Variants in SPHKAP observed in about 807,000 individuals in gnomAD.
SPHKAP encodes SPHK1 interactor, AKAP domain containing, also known as A-kinase anchor protein SPHKAP.
In SPHKAP, 67 loss-of-function variants were observed where a neutral mutation model predicts 137.5. The ratio of observed to expected loss-of-function variants is 0.49; its 90% confidence interval spans 0.40 to 0.60. The LOEUF is 0.60. Among genes scored for constraint, SPHKAP ranks in the 20% least tolerant of loss-of-function variants. SPHKAP has a pLI of 0.00. For synonymous variants in SPHKAP, 813 were observed against 785.3 expected (o/e 1.04, Z -0.59); for missense variants, 2,097 against 2,069.3 (o/e 1.01, Z -0.26).
chr2:228,016,869 C>CT lies in SPHKAP; in HGVS notation c.3984dup (p.Glu1329ArgfsTer4). On this transcript the variant is annotated frameshift_variant, in exon 7 of 12. Transcript: ENST00000392056. LOFTEE classifies it high-confidence loss of function. ...GAAACAGGCTCAGTGTCAGCTTCCT[C>CT]TGCATCATCCACAATGATTTTGTTC... 6.2e-7 allele frequency: 1 copy of CT among 1,614,096 alleles called. No individual in the cohort carries two copies. The highest frequency in any genetic ancestry group is 8.5e-7 in the Non-Finnish European group (1 of 1,180,012).
chr2:227,998,280 G>A (rs994414124), intron 7 of SPHKAP, among the ~76,000 whole-genome samples: 1 of 152,160 alleles, frequency 6.6e-6, no homozygotes, highest in Non-Finnish European at 1.5e-5. Context: ...TTACAGGCAT[G>A]AGCCACTGCG....
Position 228,017,377 on chromosome 2 carries a change from A to T in SPHKAP, c.3477T>A (p.Ile1159=), listed in dbSNP as rs1694648570. ...ACGCCTGTTGCATGGCTGAGTTCAG[A>T]ATGCTGCTGGCGTTCTTGCCAGCAT... The part of the protein sequence containing the change: ...DYYAGKNASS[I]LNSAMQQACR... Residue 1159 remains isoleucine, a synonymous_variant, in exon 7 of 12, where the codon ATT becomes ATA. Coordinates refer to ENST00000392056, the MANE Select transcript of SPHKAP (RefSeq NM_001142644.2). 1 of 1,613,794 alleles carries T rather than the reference A, an allele frequency of 6.2e-7. No homozygotes were observed. Among genetic ancestry groups the T allele is most frequent in the African/African-American group, 1.3e-5 (1 of 74,916 alleles).
At chr2:228,143,969 C>T (rs1699687613) in intron 1 of SPHKAP, among the ~76,000 whole-genome samples, 5 of 152,152 alleles carry the variant, frequency 3.3e-5, no homozygotes, top group Admixed American at 3.3e-4. Context: ...TCACTCTGGC[C>T]ACACTGGCCT....
At chr2:227,988,180 T>C (rs1365623295) in intron 11 of SPHKAP, among the ~76,000 whole-genome samples, 2 of 152,176 alleles carry the variant, frequency 1.3e-5, no homozygotes, top group African/African-American at 4.8e-5. Flanking sequence ...GCTTAAGGGT[T>C]TTTTTTCTTT....
At chr2:228,087,497 G>C (rs543650318) in intron 3 of SPHKAP, among the ~76,000 whole-genome samples, 24 of 152,086 alleles carry the variant, frequency 1.6e-4, no homozygotes, top group African/African-American at 5.5e-4. Context: ...CTTCAAAATA[G>C]CTGCTACAAA....
intron 3 of SPHKAP, among the ~76,000 whole-genome samples, chr2:228,031,369 A>G (rs964081086): frequency 2.6e-5 from 4 of 152,216 alleles, no homozygotes; most frequent in Non-Finnish European, 5.9e-5. Flanking sequence ...AAATGCCAGG[A>G]AGCTCGATCT....
intron 3 of SPHKAP, among the ~76,000 whole-genome samples, chr2:228,068,108 G>A (rs1302576822): frequency 6.6e-6 from 1 of 152,002 alleles, no homozygotes; most frequent in African/African-American, 2.4e-5. Context: ...AAGAAGTTAA[G>A]AAAGCAATCC....
At chr2:228,110,878 T>C (rs188505326) in intron 2 of SPHKAP, among the ~76,000 whole-genome samples, 1 of 152,276 alleles carries the variant, frequency 6.6e-6, no homozygotes, top group African/African-American at 2.4e-5. Flanking sequence ...AATGTGTTTA[T>C]TATTATTTTA....
chr2:228,156,336 A>G (rs1700106653), intron 1 of SPHKAP, among the ~76,000 whole-genome samples: 1 of 152,216 alleles, frequency 6.6e-6, no homozygotes, highest in Non-Finnish European at 1.5e-5. Context: ...CAGTGCAGCA[A>G]TAAATTGTCA....
intron 3 of SPHKAP, among the ~76,000 whole-genome samples, chr2:228,069,441 CTTTCTTTCT>C (rs1465387550): frequency 1.1e-5 from 1 of 92,810 alleles, no homozygotes; most frequent in South Asian, 3.8e-4. Flanking sequence ...TTTTTTCTTT[CTTTCTTTCT>C]TTTTTTTTTT....
At chr2:228,028,419 C>T (rs1695143976) in intron 3 of SPHKAP, among the ~76,000 whole-genome samples, 1 of 152,122 alleles carries the variant, frequency 6.6e-6, no homozygotes, top group African/African-American at 2.4e-5. Context: ...ATGGGTTAGT[C>T]TAAAAACAAT....
intron 1 of SPHKAP, among the ~76,000 whole-genome samples, chr2:228,168,081 A>C (rs1213554229): frequency 6.6e-6 from 1 of 152,138 alleles, no homozygotes; most frequent in Non-Finnish European, 1.5e-5. Flanking sequence ...TTATATATTT[A>C]TTTTAAAACA....
chr2:228,121,705 G>A (rs1252691660), intron 2 of SPHKAP, among the ~76,000 whole-genome samples: 1 of 152,158 alleles, frequency 6.6e-6, no homozygotes, highest in Non-Finnish European at 1.5e-5. Flanking sequence ...CTTTCAGAGT[G>A]AGTTCCCTTC....
chr2:228,147,675 T>G lies in SPHKAP; in HGVS notation c.33-15590A>C, dbSNP rs114266066. 5.1e-3 allele frequency among the ~76,000 whole-genome samples: 784 copies of G among 152,314 alleles called. 7 individuals are homozygous for G. Among genetic ancestry groups the G allele is most frequent in the African/African-American group, 0.018 (735 of 41,584 alleles). On this transcript the variant is annotated intron_variant, in intron 1 of 11. Coordinates refer to ENST00000392056, the MANE Select transcript of SPHKAP (RefSeq NM_001142644.2). ...CCTCATCTGTGAAATGGGACTCATA[T>G]GATTCACTTTACAAGCTTTGTTGTT...
intron 3 of SPHKAP, among the ~76,000 whole-genome samples, chr2:228,099,462 C>T (rs1055495723): frequency 6.6e-6 from 1 of 152,108 alleles, no homozygotes; most frequent in African/African-American, 2.4e-5. Context: ...AATATGATGC[C>T]TCTGGCTTTG....
In SPHKAP at chr2:228,127,464, G is replaced by A. The variant is rs1699112403; in HGVS notation, c.138+4516C>T. On this transcript the variant is annotated intron_variant, in intron 2 of 11. Coordinates refer to ENST00000392056, the MANE Select transcript of SPHKAP (RefSeq NM_001142644.2). ...TGGCAGCCCCACAGTGGCATACACA[G>A]TTACTAAATTGTCTTTTAAATGCAA... Among the ~76,000 whole-genome samples, 3 of 152,160 alleles carry A rather than the reference G, an allele frequency of 2.0e-5. No homozygotes were observed. In the South Asian group the frequency reaches 6.2e-4, roughly 32 times the overall value.
At chr2:227,989,772 A>G (rs995367698) in intron 11 of SPHKAP, among the ~76,000 whole-genome samples, 1 of 96,468 alleles carries the variant, frequency 1.0e-5, no homozygotes, top group Non-Finnish European at 2.1e-5. Flanking sequence ...TGCCTGGCTA[A>G]TTTTTGTTTT....
chr2:228,086,680 A>G (rs895903693), intron 3 of SPHKAP, among the ~76,000 whole-genome samples: 6 of 152,292 alleles, frequency 3.9e-5, no homozygotes, highest in South Asian at 2.1e-4. Flanking sequence ...AGTCTACCTC[A>G]TGACCAGAGT....
At chr2:227,995,763 C>T (rs1335158308) in intron 7 of SPHKAP, 69 bp from the exon 8 acceptor site, 8 of 1,441,006 alleles carry the variant, frequency 5.6e-6, no homozygotes, top group Admixed American at 5.5e-5. Context: ...CTTCACAGAG[C>T]CACTTTGTAG....
Sources: gnomAD v4.1 joint callset for allele counts (sites outside exome capture counted in the v4.1 genomes callset) on GRCh38, gnomAD v4.1.1 for gene constraint, MANE v1.5 for transcripts, NCBI Gene and HGNC (gene_info 2026-07-23, HGNC 2026-07-21) for gene names.